IL10RB: variants seen among roughly 807,000 people sequenced by gnomAD.
The protein encoded by IL10RB is interleukin 10 receptor subunit beta.
IL10RB carries 30 observed loss-of-function variants against 38.7 expected under a neutral mutation model. That is an observed-to-expected ratio of 0.78 (90% confidence interval 0.58 to 1.05). The LOEUF (loss-of-function observed/expected upper bound fraction) is 1.05. Ranked by LOEUF, IL10RB falls within the 50% of genes least tolerant of loss-of-function variation. IL10RB has a pLI of 0.00. For missense variants in IL10RB, 328 were observed against 397.1 expected (o/e 0.83, Z 1.48); for synonymous variants, 142 against 145.9 (o/e 0.97, Z 0.19).
chr21:33,277,334 C>CAA (rs373338629), intron 3 of IL10RB, among the ~76,000 whole-genome samples: 52,656 of 135,792 alleles, frequency 0.39, 9,992 homozygotes, highest in Non-Finnish European at 0.46. Flanking sequence ...GACTTGGTCT[C>CAA]AAAAAAAAAA....
intron 2 of IL10RB, 91 bp downstream of exon 2, chr21:33,268,608 A>G: frequency 1.1e-6 from 1 of 906,506 alleles, no homozygotes; most frequent in Non-Finnish European, 1.9e-6. Flanking sequence ...AGGGAGTCTG[A>G]CTACGGTCAC....
chr21:33,288,838 A>T (rs1601835993), intron 6 of IL10RB, among the ~76,000 whole-genome samples: 1 of 152,234 alleles, frequency 6.6e-6, no homozygotes, highest in South Asian at 2.1e-4. Flanking sequence ...GAAACTCTGG[A>T]TAGTCACTGA....
rs909280147 is a variant in IL10RB at position 33,278,753 on chromosome 21, T to G, written c.332-999T>G. Among the ~76,000 whole-genome samples the G allele has an allele frequency of 1.6e-4, 25 of 152,252 alleles. 1 individual carries two copies. Among genetic ancestry groups the G allele is most frequent in the African/African-American group, 5.8e-4 (24 of 41,466 alleles). On this transcript the variant is annotated intron_variant, in intron 3 of 6. Coordinates refer to ENST00000290200, the MANE Select transcript of IL10RB (RefSeq NM_000628.5). ...AGTGATAGGAAAGTGTTTCCAGGCA[T>G]CATGCATAACCTATTTATACTTGCT...
chr21:33,279,866 A>G lies in IL10RB; in HGVS notation c.446A>G (p.Tyr149Cys), dbSNP rs1186719026. Reference sequence around the variant, plus strand: ...GAAACTTGGACTATGAAGAATGTGTATAACTCATGGACTTATAATGTGCAA... The same window carrying G: ...GAAACTTGGACTATGAAGAATGTGTGTAACTCATGGACTTATAATGTGCAA... ...EYETWTMKNV[Y>C]NSWTYNVQYW... The change falls in exon 4 of 7, where the codon TAT becomes TGT. Residue 149 changes from tyrosine to cysteine, a missense_variant. Transcript: ENST00000290200. The G allele has an allele frequency of 3.8e-5, 61 of 1,613,882 alleles. No homozygotes were observed. Among genetic ancestry groups the G allele is most frequent in the Non-Finnish European group, 5.1e-5 (60 of 1,179,836 alleles).
intron 6 of IL10RB, among the ~76,000 whole-genome samples, chr21:33,295,782 C>T (rs747293498): frequency 9.2e-5 from 14 of 151,938 alleles, no homozygotes; most frequent in African/African-American, 2.4e-5. Flanking sequence ...CCGTGGCTCA[C>T]GCCTGTAATC....
intron 2 of IL10RB, among the ~76,000 whole-genome samples, chr21:33,269,651 ATT>A (rs529634707): frequency 2.3e-4 from 32 of 137,278 alleles, no homozygotes; most frequent in Non-Finnish European, 1.6e-4. Context: ...AGATTCACCA[ATT>A]TTTTTTTTTT....
rs1304108543 is a variant in IL10RB, at chr21:33,288,171, C to G, written c.714C>G (p.Leu238=). The stretch of plus-strand genomic sequence containing the variant: ...CGGTCTTCATGGTCTGCCTGGCACT[C>G]CTCGGCTGCTTCGCCTTGCTGTGGT... ...MASVFMVCLA[L]LGCFALLWCV... is the part of the protein sequence containing the mutation. The change falls in exon 6 of 7, where the codon CTC becomes CTG. Residue 238 remains leucine (L), a synonymous_variant. Coordinates refer to ENST00000290200, the MANE Select transcript of IL10RB (RefSeq NM_000628.5). 5 of 1,614,102 alleles carry G rather than the reference C, an allele frequency of 3.1e-6. No homozygotes were observed. The South Asian group carries it at 5.5e-5, about 18-fold the overall frequency.
downstream of IL10RB, among the ~76,000 whole-genome samples, chr21:33,299,329 G>C (rs750490520): frequency 2.6e-5 from 4 of 152,166 alleles, no homozygotes; most frequent in African/African-American, 4.8e-5. Context: ...GAACACCTGT[G>C]GGAAAATGTC....
downstream of IL10RB, among the ~76,000 whole-genome samples, chr21:33,300,441 CAA>C (rs11335398): frequency 0.22 from 28,989 of 134,424 alleles, 2,887 homozygotes; most frequent in East Asian, 0.4. Flanking sequence ...AACTCCATCT[CAA>C]AAAAAAAAAA....
intron 1 of IL10RB, among the ~76,000 whole-genome samples, chr21:33,303,020 C>T (rs1482978353): frequency 2.0e-5 from 3 of 152,182 alleles, no homozygotes; most frequent in Admixed American, 2.0e-4. Context: ...TGCTCTTATG[C>T]ACACCTGTGT....
chr21:33,276,676 A>C lies in IL10RB; in HGVS notation c.254A>C (p.His85Pro), dbSNP rs1568905279. The C allele has an allele frequency of 1.2e-6, 2 of 1,613,388 alleles. No homozygotes were observed. Among genetic ancestry groups the C allele is most frequent in the Non-Finnish European group, 1.7e-6 (2 of 1,179,280 alleles). ...DFSSLSKYGD[H>P]TLRVRAEFAD... ...TCAAGTCTTTCCAAGTATGGTGACC[A>C]CACCTTGAGAGTCAGGGCTGAATTT... Residue 85 changes from histidine (H) to proline (P), a missense_variant, in exon 3 of 7, where the codon CAC becomes CCC. Physicochemically the swap from His to Pro is moderately conservative, Grantham distance 77. Transcript: ENST00000290200.
intron 2 of IL10RB, among the ~76,000 whole-genome samples, chr21:33,275,082 A>C (rs1989144787): frequency 6.6e-6 from 1 of 151,130 alleles, no homozygotes; most frequent in African/African-American, 2.4e-5. Flanking sequence ...TTCACCTTGC[A>C]CTTTTATATT....
chr21:33,276,864 C>A, intron 3 of IL10RB, 111 bp downstream of exon 3: 1 of 836,952 alleles, frequency 1.2e-6, no homozygotes, highest in South Asian at 1.5e-5. Flanking sequence ...AATGGATGGC[C>A]TTGCACAAGG....
intron 2 of IL10RB, 88 bp from the exon 3 acceptor site, chr21:33,276,508 C>T (rs1212081865): frequency 6.7e-5 from 69 of 1,029,694 alleles, no homozygotes; most frequent in Middle Eastern, 4.4e-4. Context: ...ACTCCCGCGC[C>T]GCCCCCCCCT....
At chr21:33,278,928 A>T (rs1023355266) in intron 3 of IL10RB, among the ~76,000 whole-genome samples, 1 of 152,244 alleles carries the variant, frequency 6.6e-6, no homozygotes, top group African/African-American at 2.4e-5. Flanking sequence ...GCCTGGAACC[A>T]TTTATGAATC....
At chr21:33,285,693 C>T (rs1045420639) in intron 5 of IL10RB, among the ~76,000 whole-genome samples, 2 of 152,110 alleles carry the variant, frequency 1.3e-5, no homozygotes, top group East Asian at 1.9e-4. Flanking sequence ...AATAACAGGG[C>T]GGGGCCCATG....
At position 33,276,603 on chromosome 21, in the gene IL10RB, A is replaced by G. The variant is rs1388825256; in HGVS notation, c.181A>G (p.Ile61Val). 2 of 1,612,844 alleles carry G rather than the reference A, an allele frequency of 1.2e-6. No individual in the cohort carries two copies. The highest frequency in any genetic ancestry group is 2.7e-5 in the African/African-American group (2 of 74,848). ...ATCTTTTTGATTGTGTAGTTATAGG[A>G]TATTCCAAGATAAATGCATGAATAC... ...TFTAQYLSYRIFQDKCMNTTL... is the reference protein window; with the variant it reads ...TFTAQYLSYRVFQDKCMNTTL... The change falls in exon 3 of 7, where the codon ATA (isoleucine) becomes GTA (valine). Residue 61 changes from isoleucine (I) to valine (V), a missense_variant. Coordinates refer to ENST00000290200, the MANE Select transcript of IL10RB (RefSeq NM_000628.5).
intron 1 of IL10RB, among the ~76,000 whole-genome samples, chr21:33,303,985 C>G (rs1324857925): frequency 6.6e-6 from 1 of 152,158 alleles, no homozygotes; most frequent in African/African-American, 2.4e-5. Context: ...GATGGAGCAG[C>G]TCCCTAGGGG....
rs1342927871 is a variant in IL10RB at position 33,283,244 on chromosome 21, A to G, written c.646+3A>G. 1 of 1,613,352 alleles carries G rather than the reference A, an allele frequency of 6.2e-7. No homozygotes were observed. Among genetic ancestry groups the G allele is most frequent in the Non-Finnish European group, 8.5e-7 (1 of 1,179,958 alleles). On this transcript the variant is annotated splice_donor_region_variant and intron_variant, in intron 5 of 6. Transcript: ENST00000290200. ...CTGTGAGCAAACAACCCATGACGGTAAGCCCTGAGATGCACCTCCGCTAAG... is the reference window on the plus strand; with the variant it reads ...CTGTGAGCAAACAACCCATGACGGTGAGCCCTGAGATGCACCTCCGCTAAG...
Sources: gnomAD v4.1 joint callset for allele counts (sites outside exome capture counted in the v4.1 genomes callset) on GRCh38, gnomAD v4.1.1 for gene constraint, MANE v1.5 for transcripts, NCBI Gene and HGNC (gene_info 2026-07-23, HGNC 2026-07-21) for gene names.